Variants in GALK2 observed in about 807,000 individuals in gnomAD.
GALK2 encodes galactokinase 2, also known as N-acetylgalactosamine kinase.
A neutral mutation model predicts 52.4 loss-of-function variants in GALK2; 36 were observed. That is an observed-to-expected ratio of 0.69 (90% CI 0.53 to 0.91). The LOEUF is 0.91. GALK2 is among the 40% of genes least tolerant of loss of function. The pLI is 0.00. For missense variants in GALK2, 579 were observed against 559.1 expected (o/e 1.04, Z -0.36); for synonymous variants, 176 against 199.1 (o/e 0.88, Z 0.98).
chr15:49,236,276 C>T (rs2090802313), intron 4 of GALK2, among the ~76,000 whole-genome samples: 1 of 152,080 alleles, frequency 6.6e-6, no homozygotes, highest in Non-Finnish European at 1.5e-5. Flanking sequence ...TAGGGGTATA[C>T]TGTAATAGGA....
downstream of GALK2, chr15:49,335,448 T>G: frequency 6.2e-7 from 1 of 1,613,232 alleles, no homozygotes; most frequent in South Asian, 1.1e-5. Context: ...TCCTTGCAAA[T>G]TGTCTTTTTG....
rs760709272 is a variant in GALK2, at chr15:49,239,363, C to T, written c.500C>T (p.Ser167Phe). 3.7e-6 allele frequency: 6 copies of T among 1,613,652 alleles called. No homozygotes were observed. In the East Asian group the frequency reaches 1.3e-4, roughly 36 times the overall value. ...VTLTVLGRNLSKVELAEICAK... is the reference protein window; with the variant it reads ...VTLTVLGRNLFKVELAEICAK... ...CTCACAGTGCTGGGAAGGAATCTAT[C>T]CAAGGTAACTACCTTTGATAGGAAA... Residue 167 changes from serine (S) to phenylalanine (F), a missense_variant, in exon 5 of 10, where the codon TCC (serine) becomes TTC (phenylalanine). Physicochemically the swap from Ser to Phe is radical, Grantham distance 155 (BLOSUM62 -2). Coordinates refer to ENST00000560031, the MANE Select transcript of GALK2 (RefSeq NM_002044.4).
chr15:49,202,107 G>A (rs1038730340), intron 2 of GALK2, among the ~76,000 whole-genome samples: 3 of 152,074 alleles, frequency 2.0e-5, no homozygotes, highest in Non-Finnish European at 4.4e-5. Context: ...GGGTTCAAGT[G>A]ATTCTCCTGC....
chr15:49,187,715 G>A (rs977916463), intron 1 of GALK2, among the ~76,000 whole-genome samples: 3 of 152,124 alleles, frequency 2.0e-5, no homozygotes, highest in African/African-American at 4.8e-5. Context: ...CCCCCAGCCT[G>A]TAGTGAGTAA....
intron 1 of GALK2, among the ~76,000 whole-genome samples, chr15:49,162,802 A>G (rs1265717528): frequency 6.6e-6 from 1 of 152,238 alleles, no homozygotes. Flanking sequence ...TCTTAGTCTG[A>G]CAGCCCACAA....
chr15:49,200,776 A>G (rs2087681780), intron 1 of GALK2, among the ~76,000 whole-genome samples: 1 of 152,190 alleles, frequency 6.6e-6, no homozygotes, highest in Non-Finnish European at 1.5e-5. Context: ...TAGGAAACCA[A>G]ATATACTACC....
At chr15:49,364,637 T>C (rs1420345729) in intron 3 of GALK2, among the ~76,000 whole-genome samples, 3 of 152,196 alleles carry the variant, frequency 2.0e-5, no homozygotes, top group Non-Finnish European at 4.4e-5. Context: ...CAAAATTTTA[T>C]ATTTCTAACC....
rs187071049 is a variant in GALK2 at position 49,251,123 on chromosome 15, T to C, written c.504+11756T>C. Among the ~76,000 whole-genome samples the C allele has an allele frequency of 2.3e-3, 347 of 152,246 alleles. 2 individuals are homozygous for C. Among genetic ancestry groups the C allele is most frequent in the African/African-American group, 7.6e-3 (315 of 41,554 alleles). On this transcript the variant is annotated intron_variant, in intron 5 of 9. Coordinates refer to ENST00000560031, the MANE Select transcript of GALK2 (RefSeq NM_002044.4). ...CTTGATACCAAACCTGACAAGGACATCACAAGAAAAGAGAATTACAGGTCA... is the reference window on the plus strand; with the variant it reads ...CTTGATACCAAACCTGACAAGGACACCACAAGAAAAGAGAATTACAGGTCA...
At chr15:49,352,563 G>C (rs1212184569) in intron 3 of GALK2, among the ~76,000 whole-genome samples, 1 of 152,130 alleles carries the variant, frequency 6.6e-6, no homozygotes, top group Admixed American at 6.6e-5. Flanking sequence ...AGGCTTCAGA[G>C]CGCCTACCAT....
intron 5 of GALK2, among the ~76,000 whole-genome samples, chr15:49,248,641 A>C (rs925127637): frequency 1.3e-5 from 2 of 152,228 alleles, no homozygotes; most frequent in Non-Finnish European, 2.9e-5. Flanking sequence ...TTGTCAATTA[A>C]AAGAGATCCT....
At chr15:49,260,279 G>A in intron 5 of GALK2, among the ~76,000 whole-genome samples, 1 of 152,128 alleles carries the variant, frequency 6.6e-6, no homozygotes, top group Non-Finnish European at 1.5e-5. Flanking sequence ...CATTCTAACT[G>A]GTGTGAGATG....
At chr15:49,365,462 A>G (rs901245013) in intron 3 of GALK2, 4 of 883,428 alleles carry the variant, frequency 4.5e-6, no homozygotes, top group African/African-American at 1.6e-5. Flanking sequence ...CCAAAGCCCA[A>G]TATTGAAACA....
chr15:49,294,859 C>G (rs1053531884), intron 8 of GALK2, among the ~76,000 whole-genome samples: 6 of 152,120 alleles, frequency 3.9e-5, no homozygotes, highest in African/African-American at 1.4e-4. Context: ...ATTTCCTAGA[C>G]TTAGAGAGAT....
intron 2 of GALK2, among the ~76,000 whole-genome samples, chr15:49,206,071 A>G (rs2088254430): frequency 6.6e-6 from 1 of 151,976 alleles, no homozygotes; most frequent in African/African-American, 2.4e-5. Context: ...TGCGTTCTCT[A>G]TTTTGTTCCA....
At chr15:49,198,350 A>G (rs945605621) in intron 1 of GALK2, among the ~76,000 whole-genome samples, 1 of 152,238 alleles carries the variant, frequency 6.6e-6, no homozygotes, top group South Asian at 2.1e-4. Flanking sequence ...AGATACAATC[A>G]TAACTACCAT....
chr15:49,221,437 A>G (rs1464430263), intron 3 of GALK2, among the ~76,000 whole-genome samples: 1 of 151,966 alleles, frequency 6.6e-6, no homozygotes, highest in Admixed American at 6.6e-5. Flanking sequence ...AGGCTGAGGC[A>G]GGCAGATCAC....
At chr15:49,230,180 A>T (rs2090422279) in intron 3 of GALK2, among the ~76,000 whole-genome samples, 1 of 152,080 alleles carries the variant, frequency 6.6e-6, no homozygotes, top group Non-Finnish European at 1.5e-5. Flanking sequence ...GGATCTCAGG[A>T]TAGTGATGTG....
At chr15:49,326,416 T>TAA (rs1375985002) in intron 9 of GALK2, among the ~76,000 whole-genome samples, 2 of 151,952 alleles carry the variant, frequency 1.3e-5, no homozygotes, top group Non-Finnish European at 2.9e-5. Context: ...TGCACCCGGC[T>TAA]AATTTTTGTA....
intron 5 of GALK2, among the ~76,000 whole-genome samples, chr15:49,262,907 A>G (rs1196365922): frequency 1.4e-5 from 2 of 143,138 alleles, no homozygotes; most frequent in South Asian, 2.3e-4. Context: ...CCTGAGTTCT[A>G]GTTTGATTGC....
Sources: allele counts gnomAD v4.1 joint callset (sites outside exome capture counted in the v4.1 genomes callset), GRCh38; gene constraint gnomAD v4.1.1; transcripts MANE v1.5; gene names NCBI Gene and HGNC (gene_info 2026-07-23, HGNC 2026-07-21).